Variants in HHAT observed in about 807,000 individuals in gnomAD.
HHAT encodes the protein protein-cysteine N-palmitoyltransferase HHAT.
Under a neutral mutation model 70.8 loss-of-function variants are expected in HHAT, and 47 were observed. The ratio of observed to expected loss-of-function variants is 0.66; its 90% CI spans 0.53 to 0.85. HHAT has a LOEUF of 0.85. Among genes scored for constraint, HHAT ranks in the 40% least tolerant of loss-of-function variants. The pLI, the probability that HHAT is intolerant of heterozygous loss-of-function variation, is 0.00. For synonymous variants in HHAT, 228 were observed against 247.6 expected (o/e 0.92, Z 0.74); for missense variants, 609 against 604.8 (o/e 1.01, Z -0.07).
intron 10 of HHAT, among the ~76,000 whole-genome samples, chr1:210,601,588 A>AG: frequency 6.6e-6 from 1 of 152,270 alleles, no homozygotes; most frequent in Middle Eastern, 3.4e-3. Context: ...TTTAGGAAAA[A>AG]AATTCTCAGC....
chr1:210,552,219 G>A (rs1021971975), intron 9 of HHAT, among the ~76,000 whole-genome samples: 2 of 152,180 alleles, frequency 1.3e-5, no homozygotes, highest in African/African-American at 4.8e-5. Context: ...AAAGCTCCTC[G>A]GGGCAATGGA....
chr1:210,577,117 G>A (rs975926608), intron 9 of HHAT, among the ~76,000 whole-genome samples: 2 of 150,466 alleles, frequency 1.3e-5, no homozygotes, highest in Non-Finnish European at 2.9e-5. Flanking sequence ...ATAAGATCAT[G>A]TCATCTATAA....
At chr1:210,542,107 A>G (rs551220639) in intron 9 of HHAT, among the ~76,000 whole-genome samples, 1 of 152,224 alleles carries the variant, frequency 6.6e-6, no homozygotes, top group East Asian at 1.9e-4. Context: ...CTGCTTTTTG[A>G]ATGACAAAGG....
intron 9 of HHAT, among the ~76,000 whole-genome samples, chr1:210,553,864 C>T (rs1283333349): frequency 6.6e-6 from 1 of 152,190 alleles, no homozygotes; most frequent in Non-Finnish European, 1.5e-5. Flanking sequence ...CCGAGTGTAT[C>T]CACTTCATTA....
intron 9 of HHAT, among the ~76,000 whole-genome samples, chr1:210,564,795 C>G (rs1247676416): frequency 7.3e-6 from 1 of 136,764 alleles, no homozygotes; most frequent in African/African-American, 2.8e-5. Context: ...ATGACCTTGA[C>G]AAAAGCTGAT....
chr1:210,626,084 G>A (rs1669777229), intron 11 of HHAT, among the ~76,000 whole-genome samples: 1 of 152,166 alleles, frequency 6.6e-6, no homozygotes, highest in Admixed American at 6.5e-5. Context: ...GATGTGTGGG[G>A]GTCAAGGGCG....
rs2090427986 is a variant in HHAT at position 210,378,895 on chromosome 1, C to T, written c.160-8573C>T. Among the ~76,000 whole-genome samples the T allele has an allele frequency of 1.3e-5, 2 of 152,164 alleles. 1 individual carries two copies. The highest frequency in any genetic ancestry group is 1.3e-4 in the Admixed American group (2 of 15,274). ...TTTTCATAATGCTTTTGTTATAAAGCTGGAGCTGGATTCCAATCAGAGGAG... is the reference window on the plus strand; with the variant it reads ...TTTTCATAATGCTTTTGTTATAAAGTTGGAGCTGGATTCCAATCAGAGGAG... On this transcript the variant is annotated intron_variant, in intron 3 of 11. Transcript: ENST00000261458.
At chr1:210,619,022 C>T (rs1668305655) in intron 10 of HHAT, among the ~76,000 whole-genome samples, 1 of 152,164 alleles carries the variant, frequency 6.6e-6, no homozygotes, top group African/African-American at 2.4e-5. Context: ...GACATTCCTC[C>T]ATCTCATCTT....
intron 11 of HHAT, among the ~76,000 whole-genome samples, chr1:210,641,396 A>C (rs1024825858): frequency 3.3e-5 from 5 of 152,180 alleles, no homozygotes; most frequent in Admixed American, 3.3e-4. Flanking sequence ...CTTTAGAGTA[A>C]CCAATACCCT....
intron 2 of HHAT, among the ~76,000 whole-genome samples, chr1:210,361,318 G>A (rs894559501): frequency 2.6e-5 from 4 of 152,194 alleles, no homozygotes; most frequent in African/African-American, 9.7e-5. Context: ...AGTGCAACAC[G>A]CAAATAGGTG....
chr1:210,544,971 A>G (rs1473998934), intron 9 of HHAT, among the ~76,000 whole-genome samples: 1 of 151,880 alleles, frequency 6.6e-6, no homozygotes, highest in Non-Finnish European at 1.5e-5. Context: ...CTAAATATCC[A>G]TGGCTACTGT....
At chr1:210,563,369 G>T (rs1378822593) in intron 9 of HHAT, among the ~76,000 whole-genome samples, 1 of 152,176 alleles carries the variant, frequency 6.6e-6, no homozygotes, top group Non-Finnish European at 1.5e-5. Flanking sequence ...TTTGGAAGAT[G>T]GATGATGTTA....
chr1:210,419,207 T>A (rs528954138), intron 7 of HHAT, among the ~76,000 whole-genome samples: 1 of 152,260 alleles, frequency 6.6e-6, no homozygotes, highest in East Asian at 1.9e-4. Flanking sequence ...GCGCTGCACA[T>A]TGAGGGTGTA....
chr1:210,400,489 C>G lies in HHAT; in HGVS notation c.295C>G (p.Leu99Val). The G allele has an allele frequency of 6.2e-7, 1 of 1,612,956 alleles. No individual in the cohort carries two copies. Among genetic ancestry groups the G allele is most frequent in the Non-Finnish European group, 8.5e-7 (1 of 1,179,506 alleles). The change falls in exon 5 of 12, where the codon CTC becomes GTC. Residue 99 changes from leucine to valine, a missense_variant. Physicochemically the swap from Leu to Val is conservative, Grantham distance 32. Coordinates refer to ENST00000261458, the MANE Select transcript of HHAT (RefSeq NM_018194.6). ...ARKHRPWILM[L>V]YGMWACWCVL... ...GCAGCACAGACCCTGGATTCTCATG[C>G]TCTATGGGATGTGGGCCTGCTGGTG...
chr1:210,329,107 T>G lies in HHAT; in HGVS notation c.-44+3T>G. ...CCGCCGCCCGGGACAGCCCGGAGGTTGGTAACTGGTGACCATAGGGGGTCC... is the reference window on the plus strand; with the variant it reads ...CCGCCGCCCGGGACAGCCCGGAGGTGGGTAACTGGTGACCATAGGGGGTCC... On this transcript the variant is annotated splice_donor_region_variant and intron_variant, in intron 1 of 11. Coordinates refer to ENST00000261458, the MANE Select transcript of HHAT (RefSeq NM_018194.6). 2 of 1,384,946 alleles carry G rather than the reference T, an allele frequency of 1.4e-6. No homozygotes were observed. Among genetic ancestry groups the G allele is most frequent in the South Asian group, 1.6e-5 (1 of 60,630 alleles). The allele number at this position is 1,384,946 out of a possible 1,614,324, so 85.8% of individuals were successfully genotyped here. A position where few individuals can be genotyped will look rare whatever the true frequency, so the allele number is the denominator to read the frequency against.
chr1:210,502,028 T>G (rs77090790), intron 8 of HHAT, among the ~76,000 whole-genome samples: 1 of 96,230 alleles, frequency 1.0e-5, no homozygotes, highest in Non-Finnish European at 2.9e-5. Context: ...CTTCTTCTTT[T>G]TTTTTTTTTT....
At chr1:210,513,314 C>T (rs750109242) in intron 9 of HHAT, 126 bp downstream of exon 9, 1 of 546,052 alleles carries the variant, frequency 1.8e-6, no homozygotes, top group East Asian at 3.2e-5. Context: ...GTCAAGAAAA[C>T]ATTGCTAACA....
intron 7 of HHAT, among the ~76,000 whole-genome samples, chr1:210,460,739 G>T (rs1204709056): frequency 6.6e-6 from 1 of 152,172 alleles, no homozygotes; most frequent in Non-Finnish European, 1.5e-5. Context: ...GCCAAGAAAA[G>T]AAGGAGGGGT....
chr1:210,601,937 CAGAGAGAG>C (rs147826172), intron 10 of HHAT, among the ~76,000 whole-genome samples: 2 of 147,220 alleles, frequency 1.4e-5, no homozygotes, highest in African/African-American at 5.1e-5. Context: ...ATTTGAGACT[CAGAGAGAG>C]AGAGAGAGAG....
Sources: allele counts gnomAD v4.1 joint callset (sites outside exome capture counted in the v4.1 genomes callset), GRCh38; gene constraint gnomAD v4.1.1; transcripts MANE v1.5; gene names NCBI Gene and HGNC (gene_info 2026-07-23, HGNC 2026-07-21).